The following ARNT2 variants were observed in gnomAD, a reference collection of about 807,000 sequenced individuals.
ARNT2 encodes the protein ARNT protein 2.
ARNT2 carries 36 observed loss-of-function variants against 91.7 expected under a neutral mutation model. That is an observed-to-expected ratio of 0.39 (90% CI 0.30 to 0.52). ARNT2 has a LOEUF of 0.52. Among genes scored for constraint, ARNT2 ranks in the 20% least tolerant of loss-of-function variants. The pLI is 0.72. For synonymous variants in ARNT2, 365 were observed against 347.1 expected (o/e 1.05, Z -0.57); for missense variants, 775 against 939.3 (o/e 0.83, Z 2.29).
intron 8 of ARNT2, among the ~76,000 whole-genome samples, chr15:80,528,521 G>A (rs1272809980): frequency 1.3e-5 from 2 of 151,908 alleles, no homozygotes; most frequent in African/African-American, 4.8e-5. Context: ...CGCACCCCCT[G>A]CCCCACAACC....
intron 11 of ARNT2, chr15:80,562,751 C>A: frequency 3.3e-6 from 1 of 303,670 alleles, no homozygotes; most frequent in Non-Finnish European, 6.2e-6. Context: ...CCCTAGCAAC[C>A]GAGGCAAAAA....
chr15:80,510,760 T>C (rs1262194373), intron 6 of ARNT2, among the ~76,000 whole-genome samples: 2 of 151,828 alleles, frequency 1.3e-5, no homozygotes, highest in Non-Finnish European at 2.9e-5. Flanking sequence ...ACCTGGGAGA[T>C]GGAAGTTGCA....
intron 8 of ARNT2, among the ~76,000 whole-genome samples, chr15:80,526,333 G>A (rs1317862459): frequency 3.9e-5 from 6 of 152,214 alleles, no homozygotes; most frequent in Non-Finnish European, 1.5e-5. Flanking sequence ...ATTTTGTGGG[G>A]TGCGTTCAGA....
chr15:80,559,022 T>C (rs1898261810), intron 11 of ARNT2, among the ~76,000 whole-genome samples: 1 of 152,206 alleles, frequency 6.6e-6, no homozygotes, highest in African/African-American at 2.4e-5. Context: ...CCCCATTTTT[T>C]TCACAGTAGA....
intron 12 of ARNT2, among the ~76,000 whole-genome samples, chr15:80,570,102 A>G (rs1200645116): frequency 6.6e-6 from 1 of 152,262 alleles, no homozygotes; most frequent in African/African-American, 2.4e-5. Flanking sequence ...GGGCTGGGGC[A>G]GCAGCCTAGG....
intron 5 of ARNT2, among the ~76,000 whole-genome samples, chr15:80,499,673 G>A (rs74029837): frequency 0.012 from 1,798 of 152,294 alleles, 39 homozygotes; most frequent in African/African-American, 0.042. Context: ...TGATTGGCCT[G>A]GTTGGATTCT....
intron 13 of ARNT2, 36 bp downstream of exon 13, chr15:80,574,256 G>T (rs944413075): frequency 6.3e-7 from 1 of 1,595,090 alleles, no homozygotes; most frequent in African/African-American, 1.3e-5. Context: ...TGTTGGAATT[G>T]TCTCCAGCCC....
intron 5 of ARNT2, among the ~76,000 whole-genome samples, chr15:80,507,614 A>G (rs1329640403): frequency 2.6e-5 from 4 of 152,172 alleles, no homozygotes; most frequent in Non-Finnish European, 5.9e-5. Context: ...GGGTGTGGAT[A>G]AAATTGCATA....
intron 1 of ARNT2, among the ~76,000 whole-genome samples, chr15:80,446,472 A>G (rs1184357994): frequency 6.6e-6 from 1 of 152,116 alleles, no homozygotes; most frequent in Non-Finnish European, 1.5e-5. Flanking sequence ...TGGGCCTGTG[A>G]TTGAGAATCG....
chr15:80,476,831 A>T (rs1896810475), intron 5 of ARNT2, among the ~76,000 whole-genome samples: 1 of 152,224 alleles, frequency 6.6e-6, no homozygotes, highest in African/African-American at 2.4e-5. Context: ...ACAGAAATTC[A>T]TTTCTCACTG....
intron 8 of ARNT2, among the ~76,000 whole-genome samples, chr15:80,543,269 G>C (rs993788903): frequency 6.6e-6 from 1 of 152,086 alleles, no homozygotes; most frequent in Non-Finnish European, 1.5e-5. Flanking sequence ...ATCCCATAAG[G>C]TGAGCATTCT....
chr15:80,405,934 A>G (rs1047179668), intron 1 of ARNT2, among the ~76,000 whole-genome samples: 5 of 152,170 alleles, frequency 3.3e-5, no homozygotes, highest in Admixed American at 2.0e-4. Flanking sequence ...CCTCAATGGT[A>G]TTGAACAAGG....
intron 2 of ARNT2, among the ~76,000 whole-genome samples, chr15:80,452,068 A>G (rs900066009): frequency 6.6e-6 from 1 of 152,212 alleles, no homozygotes; most frequent in East Asian, 1.9e-4. Flanking sequence ...AGTGGAGGCA[A>G]TGGGAAGTAT....
intron 18 of ARNT2, 56 bp from the exon 19 acceptor site, chr15:80,593,544 A>G (rs918590047): frequency 7.2e-7 from 1 of 1,393,568 alleles, no homozygotes; most frequent in South Asian, 1.3e-5. Flanking sequence ...GGACATGCCC[A>G]GTGCACGGAC....
chr15:80,499,791 A>G (rs1897166650), intron 5 of ARNT2, among the ~76,000 whole-genome samples: 1 of 152,138 alleles, frequency 6.6e-6, no homozygotes, highest in African/African-American at 2.4e-5. Context: ...ATGGCGAGGG[A>G]GATGGGATCT....
intron 17 of ARNT2, among the ~76,000 whole-genome samples, chr15:80,588,450 A>C (rs920473499): frequency 6.6e-6 from 1 of 151,556 alleles, no homozygotes; most frequent in Non-Finnish European, 1.5e-5. Context: ...CCACCCATGG[A>C]CCATACACAT....
At chr15:80,492,499 G>C (rs1047093419) in intron 5 of ARNT2, among the ~76,000 whole-genome samples, 3 of 152,174 alleles carry the variant, frequency 2.0e-5, no homozygotes, top group Non-Finnish European at 4.4e-5. Flanking sequence ...TTTCAGAAGG[G>C]AAGGTCAGTC....
rs192991328 is a variant in ARNT2 at position 80,583,992 on chromosome 15, C to T, written c.1918+2588C>T. On this transcript the variant is annotated intron_variant, in intron 17 of 18. Coordinates refer to ENST00000303329, the MANE Select transcript of ARNT2 (RefSeq NM_014862.4). Reference sequence around the variant, plus strand: ...GACTGAGAAGTTTCTTATGGCCTTGCCATCAGTGCATCATGTGTTACCTTT... The same window carrying T: ...GACTGAGAAGTTTCTTATGGCCTTGTCATCAGTGCATCATGTGTTACCTTT... Among the ~76,000 whole-genome samples, 5 of 152,316 alleles carry T rather than the reference C, an allele frequency of 3.3e-5. No individual in the cohort carries two copies. In the East Asian group the frequency reaches 5.8e-4, roughly 18 times the overall value.
rs1895565605 is a variant in ARNT2 at position 80,404,412 on chromosome 15, G to C, written c.-104G>C. 1.4e-6 allele frequency: 1 copy of C among 700,564 alleles called. No homozygotes were observed. Among genetic ancestry groups the C allele is most frequent in the Non-Finnish European group, 1.8e-6 (1 of 560,680 alleles). The allele number at this position is 700,564 out of a possible 1,614,324, so 43.4% of individuals were successfully genotyped here. On this transcript the variant is annotated 5_prime_UTR_variant, in exon 1 of 19. Transcript: ENST00000303329. This position sits in a 1 kb window ranked among gnomAD's most constrained non-coding sequence, Gnocchi z 5.5. ...CCGCCCGCGCCGTCCTTTGTGTGGCGGCGGCGGCGCCTGGGCCTGACCGGG... is the reference window on the plus strand; with the variant it reads ...CCGCCCGCGCCGTCCTTTGTGTGGCCGCGGCGGCGCCTGGGCCTGACCGGG...
Sources: gnomAD v4.1 joint callset for allele counts (sites outside exome capture counted in the v4.1 genomes callset) on GRCh38, gnomAD v4.1.1 for gene constraint, Gnocchi (gnomAD v3.1) non-coding constraint, MANE v1.5 for transcripts, NCBI Gene and HGNC (gene_info 2026-07-23, HGNC 2026-07-21) for gene names.